The following NINJ2 variants were observed in gnomAD, a reference collection of about 807,000 sequenced individuals.
The protein encoded by NINJ2 is ninjurin 2, also known as ninjurin-2.
In NINJ2, 12 loss-of-function variants were observed where a neutral mutation model predicts 11.7. The ratio of observed to expected loss-of-function variants is 1.02; its 90% confidence interval spans 0.66 to 1.66. The LOEUF is 1.66. NINJ2 is among the 40% of genes most tolerant of loss of function. NINJ2 has a pLI of 0.00. For synonymous variants in NINJ2, 93 were observed against 76.8 expected, an observed-to-expected ratio of 1.21 and a Z score of -1.10; for missense variants, 187 against 181.8, an observed-to-expected ratio of 1.03 and a Z score of -0.16.
chr12:615,417 C>T (rs1018005081), intron 1 of NINJ2, among the ~76,000 whole-genome samples: 3 of 152,080 alleles, frequency 2.0e-5, no homozygotes, highest in African/African-American at 2.4e-5. Context: ...AGAGAAATCC[C>T]GTCTCTACCA....
chr12:656,123 G>A (rs985126781), intron 1 of NINJ2, among the ~76,000 whole-genome samples: 1 of 151,852 alleles, frequency 6.6e-6, no homozygotes, highest in East Asian at 1.9e-4. Flanking sequence ...CCAGCACTTC[G>A]GGAGGCTGAG....
At chr12:603,186 A>G (rs1947895316) in intron 1 of NINJ2, among the ~76,000 whole-genome samples, 1 of 152,194 alleles carries the variant, frequency 6.6e-6, no homozygotes, top group African/African-American at 2.4e-5. Context: ...GATGTTAAAC[A>G]TCTTTTCATG....
Position 568,876 on chromosome 12 carries a change from A to AC in NINJ2, c.34-2699dup, listed in dbSNP as rs5795931. Among the ~76,000 whole-genome samples, 152 of 112,796 alleles carry AC rather than the reference A, an allele frequency of 1.3e-3. 7 individuals carry two copies. The highest frequency in any genetic ancestry group is 4.4e-3 in the African/African-American group (118 of 26,862). 74.0% of individuals were successfully genotyped at this position (112,796 alleles called of 152,430 possible). ...AGGCGGTGCTTGGGGCTGTGAGGAC[A>AC]CCCCCCCCCCCCCGCCCCCCGGGTA... On this transcript the variant is annotated intron_variant, in intron 1 of 3. Coordinates refer to ENST00000305108, the MANE Select transcript of NINJ2 (RefSeq NM_016533.6).
At chr12:608,361 G>C (rs1347867603) in intron 1 of NINJ2, among the ~76,000 whole-genome samples, 1 of 152,152 alleles carries the variant, frequency 6.6e-6, no homozygotes, top group African/African-American at 2.4e-5. Context: ...TGTTACCCTT[G>C]AATAATAGCG....
At chr12:658,681 CTA>C (rs1937909107) in intron 1 of NINJ2, among the ~76,000 whole-genome samples, 1 of 149,018 alleles carries the variant, frequency 6.7e-6, no homozygotes, top group African/African-American at 2.5e-5. Context: ...CTATGCTATG[CTA>C]TGCTATGCTA....
chr12:662,787 C>T (rs1377712089), intron 1 of NINJ2, among the ~76,000 whole-genome samples: 1 of 152,236 alleles, frequency 6.6e-6, no homozygotes, highest in African/African-American at 2.4e-5. Flanking sequence ...TCTGCCTCTT[C>T]CTAGGAGATT....
At chr12:630,314 T>A (rs1406222978) in intron 1 of NINJ2, among the ~76,000 whole-genome samples, 1 of 152,210 alleles carries the variant, frequency 6.6e-6, no homozygotes, top group African/African-American at 2.4e-5. Flanking sequence ...TTGCTTTCTA[T>A]CAGCAAGAAA....
At chr12:649,054 T>C (rs1429759144) in intron 1 of NINJ2, among the ~76,000 whole-genome samples, 1 of 144,674 alleles carries the variant, frequency 6.9e-6, no homozygotes, top group African/African-American at 2.6e-5. Flanking sequence ...TTTATCTTTT[T>C]CTTTTTTTTT....
intron 1 of NINJ2, among the ~76,000 whole-genome samples, chr12:603,991 T>C (rs1269185424): frequency 6.6e-6 from 1 of 152,188 alleles, no homozygotes; most frequent in African/African-American, 2.4e-5. Flanking sequence ...CGCTGAGTCG[T>C]CATAGAATTG....
At chr12:589,849 T>G (rs980384627) in intron 1 of NINJ2, among the ~76,000 whole-genome samples, 2 of 151,884 alleles carry the variant, frequency 1.3e-5, no homozygotes, top group Admixed American at 1.3e-4. Context: ...AGGGGGGGAT[T>G]GTCTCCTGGA....
chr12:604,366 G>A (rs907645991), intron 1 of NINJ2, among the ~76,000 whole-genome samples: 21 of 152,102 alleles, frequency 1.4e-4, no homozygotes, highest in Admixed American at 6.6e-5. Context: ...GGCCGGGTGC[G>A]GTGGCTCACG....
intron 1 of NINJ2, among the ~76,000 whole-genome samples, chr12:571,657 T>C (rs751131096): frequency 3.9e-5 from 6 of 152,262 alleles, no homozygotes; most frequent in Non-Finnish European, 8.8e-5. Flanking sequence ...CAGACAGCCC[T>C]TTATCCCTTA....
At chr12:650,560 G>A (rs946832257) in intron 1 of NINJ2, among the ~76,000 whole-genome samples, 18 of 152,100 alleles carry the variant, frequency 1.2e-4, no homozygotes, top group African/African-American at 2.2e-4. Flanking sequence ...TTAGCCGGGC[G>A]TGGTGGCGGG....
intron 1 of NINJ2, among the ~76,000 whole-genome samples, chr12:575,739 C>T (rs1947447759): frequency 6.6e-6 from 1 of 152,160 alleles, no homozygotes. Flanking sequence ...TATGAGACAG[C>T]TTTTTCAAAA....
At chr12:583,884 A>G (rs143040772) in intron 1 of NINJ2, among the ~76,000 whole-genome samples, 2 of 152,340 alleles carry the variant, frequency 1.3e-5, no homozygotes, top group Non-Finnish European at 2.9e-5. Flanking sequence ...GTAAGATTAC[A>G]GAACAGTGAT....
intron 1 of NINJ2, 91 bp from the exon 2 acceptor site, chr12:566,269 T>C: frequency 1.9e-6 from 2 of 1,068,156 alleles, no homozygotes; most frequent in Non-Finnish European, 2.7e-6. Context: ...TTAAAGCTCT[T>C]TCCAATCCAG....
rs139452771 is a variant in NINJ2, at chr12:649,531, G to GTGTATATATA, written c.33+13796_33+13797insTATATATACA. Reference sequence around the variant, plus strand: ...AGTGAATATGTGTGTGTGTATATGTGTATATATATATATATATATATAGTA... The same window carrying GTGTATATATA: ...AGTGAATATGTGTGTGTGTATATGTGTGTATATATATATATATATATATATATATATAGTA... On this transcript the variant is annotated intron_variant, in intron 1 of 3. Coordinates refer to ENST00000305108, the MANE Select transcript of NINJ2 (RefSeq NM_016533.6). 3.9e-3 allele frequency among the ~76,000 whole-genome samples: 496 copies of GTGTATATATA among 127,648 alleles called. 1 individual carries two copies. The highest frequency in any genetic ancestry group is 0.02 in the South Asian group (71 of 3,622). The allele number at this position is 127,648 out of a possible 152,430, so 83.7% of individuals were successfully genotyped here. A position where few individuals can be genotyped will look rare whatever the true frequency, so the allele number is the denominator to read the frequency against.
At chr12:609,277 C>T (rs1260260366) in intron 1 of NINJ2, among the ~76,000 whole-genome samples, 1 of 83,844 alleles carries the variant, frequency 1.2e-5, no homozygotes, top group Non-Finnish European at 2.6e-5. Context: ...CGGCGCCACG[C>T]GCTAGGTGCT....
intron 1 of NINJ2, among the ~76,000 whole-genome samples, chr12:584,292 C>A (rs1947602408): frequency 6.6e-6 from 1 of 152,190 alleles, no homozygotes; most frequent in African/African-American, 2.4e-5. Context: ...TTAATCCCAG[C>A]ACTTAGGGAG....
Sources: allele counts gnomAD v4.1 joint callset (sites outside exome capture counted in the v4.1 genomes callset), GRCh38; gene constraint gnomAD v4.1.1; transcripts MANE v1.5; gene names NCBI Gene and HGNC (gene_info 2026-07-23, HGNC 2026-07-21).